Variants in TTC34 observed in about 807,000 individuals in gnomAD.
The protein encoded by TTC34 is tetratricopeptide repeat protein 34.
In TTC34, 44 loss-of-function variants were observed where a neutral mutation model predicts 40.7. The ratio of observed to expected loss-of-function variants is 1.08; its 90% CI spans 0.85 to 1.39. The LOEUF (loss-of-function observed/expected upper bound fraction) is 1.39, where lower values mean the gene tolerates loss of function less well. TTC34 is among the 40% of genes most tolerant of loss of function. The pLI is 0.00. For missense variants in TTC34, 884 were observed against 838.0 expected (o/e 1.05, Z -0.68); for synonymous variants, 422 against 398.6 (o/e 1.06, Z -0.70).
chr1:2,778,038 A>T (rs1434520298), intron 6 of TTC34, among the ~76,000 whole-genome samples: 2 of 152,182 alleles, frequency 1.3e-5, no homozygotes, highest in African/African-American at 4.8e-5. Context: ...CCCAGCCCCA[A>T]ATGCATGTCT....
At chr1:2,656,092 C>T (rs1639333678) in intron 6 of TTC34, among the ~76,000 whole-genome samples, 1 of 152,182 alleles carries the variant, frequency 6.6e-6, no homozygotes. Flanking sequence ...GCAGCACCCA[C>T]ACACAGAGGT....
chr1:2,649,429 C>G (rs1045040379), intron 6 of TTC34, among the ~76,000 whole-genome samples: 1 of 151,746 alleles, frequency 6.6e-6, no homozygotes, highest in Admixed American at 6.6e-5. Context: ...CAGCCTGGAA[C>G]AGCAGTGCCC....
At chr1:2,788,878 G>A (rs1350834259) in intron 3 of TTC34, among the ~76,000 whole-genome samples, 1 of 152,130 alleles carries the variant, frequency 6.6e-6, no homozygotes, top group Non-Finnish European at 1.5e-5. Context: ...GATCACTTGA[G>A]GTCAGGAGTT....
intron 2 of TTC34, among the ~76,000 whole-genome samples, chr1:2,792,958 C>T (rs545592526): frequency 1.1e-4 from 17 of 152,322 alleles, no homozygotes; most frequent in African/African-American, 2.9e-4. Flanking sequence ...CATGTGGTTA[C>T]GAATCCATGC....
At chr1:2,800,702 G>C in exon 2 of TTC34, 2 of 398,576 alleles carry the variant, frequency 5.0e-6, no homozygotes, top group Admixed American at 8.8e-5. Context: ...CACTCTGCAG[G>C]GCTGAGGGGG....
At chr1:2,785,722 A>C in intron 5 of TTC34, 97 bp downstream of exon 5, 1 of 1,330,910 alleles carries the variant, frequency 7.5e-7, no homozygotes, top group Non-Finnish European at 1.0e-6. Flanking sequence ...GCACCTGGGG[A>C]GCATGCGTGT....
chr1:2,673,779 T>C (rs1570784724), intron 6 of TTC34, among the ~76,000 whole-genome samples: 2 of 17,254 alleles, frequency 1.2e-4, no homozygotes, highest in Non-Finnish European at 2.5e-4. Flanking sequence ...AATCTGATTG[T>C]CTGGAGCATC....
intron 2 of TTC34, among the ~76,000 whole-genome samples, chr1:2,799,294 G>A (rs559849505): frequency 6.6e-6 from 1 of 152,226 alleles, no homozygotes; most frequent in Non-Finnish European, 1.5e-5. Context: ...TGTAATCCCA[G>A]CACTTTGGGA....
rs751694882 is a variant in TTC34, at chr1:2,684,740, T to A, written c.2227-39177A>T. On this transcript the variant is annotated intron_variant, in intron 6 of 8. Coordinates refer to ENST00000401095, the Ensembl canonical transcript of TTC34. ...ACCCCCAGGCGAGCATCCGACAGCC[T>A]GGAACAGCACCAAAAACCCCAGGTG... Among the ~76,000 whole-genome samples the A allele has an allele frequency of 4.3e-4, 50 of 116,776 alleles. 1 individual carries two copies. Among genetic ancestry groups the A allele is most frequent in the African/African-American group, 1.7e-3 (43 of 24,656 alleles). The allele number at this position is 116,776 out of a possible 152,430, so 76.6% of individuals were successfully genotyped here.
At chr1:2,652,217 C>G (rs796769920) in intron 6 of TTC34, among the ~76,000 whole-genome samples, 1 of 32,762 alleles carries the variant, frequency 3.1e-5, no homozygotes, top group Non-Finnish European at 8.2e-5. Flanking sequence ...CCCAAGTGAG[C>G]ATCTGACGGC....
chr1:2,639,621 G>A (rs1638858247), exon 9 of TTC34: 1 of 152,490 alleles, frequency 6.6e-6, no homozygotes, highest in Non-Finnish European at 1.5e-5. Context: ...GGTGAAGACA[G>A]GGAGGGAAGG....
Position 2,792,246 on chromosome 1 carries a change from G to A in TTC34, c.785-1900C>T, listed in dbSNP as rs561987388. ...ACTTCTGGGCCCAGGTGATCCTCCCGCCTCAGCCTCCCAAAGTACTGGTAC... is the reference window on the plus strand; with the variant it reads ...ACTTCTGGGCCCAGGTGATCCTCCCACCTCAGCCTCCCAAAGTACTGGTAC... On this transcript the variant is annotated intron_variant, in intron 2 of 8. Transcript: ENST00000401095. Among the ~76,000 whole-genome samples, 8 of 151,618 alleles carry A rather than the reference G, an allele frequency of 5.3e-5. No homozygotes were observed. In the East Asian group the frequency reaches 9.7e-4, roughly 18 times the overall value.
At chr1:2,790,585 G>A (rs1643652641) in intron 2 of TTC34, among the ~76,000 whole-genome samples, 1 of 152,202 alleles carries the variant, frequency 6.6e-6, no homozygotes, top group Non-Finnish European at 1.5e-5. Context: ...GGCAAGCGGC[G>A]AGGGGGCAGC....
rs1643711941 is a variant in TTC34, at chr1:2,796,629, C to T, written c.784+3415G>A. Among the ~76,000 whole-genome samples the T allele has an allele frequency of 6.6e-6, 1 of 152,012 alleles. No homozygotes were observed. On this transcript the variant is annotated intron_variant, in intron 2 of 8. Transcript: ENST00000401095. This position sits in a 1 kb window ranked among gnomAD's most constrained non-coding sequence, Gnocchi z 4.5. ...CCCCACCCACACCCTTAAGTCATGC[C>T]CTGCCCCTGCGTGATCATTAAAGTG...
intron 6 of TTC34, among the ~76,000 whole-genome samples, chr1:2,675,172 C>T (rs1276574213): frequency 6.8e-6 from 1 of 147,360 alleles, no homozygotes; most frequent in Non-Finnish European, 1.5e-5. Flanking sequence ...CCCAGGGGAG[C>T]ATCTGACATC....
At chr1:2,690,661 C>G (rs1478963148) in intron 6 of TTC34, among the ~76,000 whole-genome samples, 50 of 121,984 alleles carry the variant, frequency 4.1e-4, no homozygotes, top group African/African-American at 7.9e-4. Context: ...CACCCACACC[C>G]CCAGGTGAGA....
At chr1:2,649,203 C>T (rs909014037) in intron 6 of TTC34, among the ~76,000 whole-genome samples, 1 of 151,666 alleles carries the variant, frequency 6.6e-6, no homozygotes, top group South Asian at 2.1e-4. Context: ...ACAGCATTCT[C>T]CAACCCCAGG....
At chr1:2,682,081 C>A (rs868044592) in intron 6 of TTC34, among the ~76,000 whole-genome samples, 1 of 126,442 alleles carries the variant, frequency 7.9e-6, no homozygotes, top group Non-Finnish European at 1.7e-5. Context: ...AGGTGAGCAT[C>A]TGACAGCCTG....
At chr1:2,688,193 G>A (rs1341330290) in intron 6 of TTC34, among the ~76,000 whole-genome samples, 3 of 152,058 alleles carry the variant, frequency 2.0e-5, no homozygotes, top group African/African-American at 4.8e-5. Flanking sequence ...GGACAGCCTG[G>A]AGCAGCACCC....
Sources: gnomAD v4.1 joint callset for allele counts (sites outside exome capture counted in the v4.1 genomes callset) on GRCh38, gnomAD v4.1.1 for gene constraint, Gnocchi (gnomAD v3.1) non-coding constraint, MANE v1.5 for transcripts, NCBI Gene and HGNC (gene_info 2026-07-23, HGNC 2026-07-21) for gene names.